PUDP: variants seen among roughly 807,000 people sequenced by gnomAD.
PUDP encodes pseudouridine-5'-phosphatase.
Under a neutral mutation model 9.4 loss-of-function variants are expected in PUDP, and 8 were observed. The observed-to-expected ratio is 0.85, with a 90% CI of 0.50 to 1.53. The LOEUF is 1.53. Ranked by LOEUF, PUDP falls within the 40% of genes most tolerant of loss-of-function variation. The pLI is 0.00. For missense variants in PUDP, 188 were observed against 189.7 expected, an observed-to-expected ratio of 0.99 and a Z score of 0.05; for synonymous variants, 99 against 80.7, an observed-to-expected ratio of 1.23 and a Z score of -1.22.
At chrX:6,713,484 T>C (rs1257895190) in intron 1 of PUDP, among the ~76,000 whole-genome samples, 1 of 112,251 alleles carries the variant, frequency 8.9e-6, no homozygotes, top group East Asian at 2.8e-4. Flanking sequence ...TTGTGTTAGA[T>C]GATTTAGCCC....
chrX:6,740,143 G>A (rs907156442), intron 3 of PUDP, among the ~76,000 whole-genome samples: 1 of 111,786 alleles, frequency 8.9e-6, no homozygotes, highest in Non-Finnish European at 1.9e-5. Context: ...GCAACTTTCC[G>A]TATTGTGGGG....
intron 2 of PUDP, among the ~76,000 whole-genome samples, chrX:7,103,617 G>T (rs762372370): frequency 8.9e-6 from 1 of 111,947 alleles, no homozygotes; most frequent in African/African-American, 3.3e-5. Context: ...AAGCGAAAAG[G>T]GAGCCAGAAT....
At chrX:6,765,512 C>T (rs185913058) in intron 3 of PUDP, among the ~76,000 whole-genome samples, 2 of 112,020 alleles carry the variant, frequency 1.8e-5, no homozygotes, top group East Asian at 5.6e-4. Context: ...ATTTTTCATA[C>T]TATCATGTCG....
rs1207349871 is a variant in PUDP at position 6,975,747 on chromosome X, G to A, written c.*247+1386C>T. Among the ~76,000 whole-genome samples the A allele has an allele frequency of 3.6e-5, 4 of 112,100 alleles. No homozygotes were observed. In the East Asian group the frequency reaches 1.1e-3, roughly 32 times the overall value. ...TTAACAGAGCTTGAGCACTGTGCTG[G>A]GAGATCCACTGTTCTCTTCAGAGCC... On this transcript the variant is annotated intron_variant and NMD_transcript_variant, in intron 3 of 3. Coordinates refer to the PUDP transcript ENST00000655425.
At chrX:7,088,085 T>C (rs1931317001) in intron 2 of PUDP, among the ~76,000 whole-genome samples, 1 of 112,168 alleles carries the variant, frequency 8.9e-6, no homozygotes, top group Non-Finnish European at 1.9e-5. Context: ...TAATTAAGGA[T>C]GGATCAAATA....
intron 3 of PUDP, among the ~76,000 whole-genome samples, chrX:6,909,718 A>G (rs766812801): frequency 8.9e-6 from 1 of 111,960 alleles, no homozygotes; most frequent in East Asian, 2.8e-4. Flanking sequence ...GCCTTTGCAT[A>G]GGAGTCAGCG....
intron 3 of PUDP, among the ~76,000 whole-genome samples, chrX:6,772,277 C>G (rs1925376067): frequency 9.0e-6 from 1 of 110,947 alleles, no homozygotes; most frequent in East Asian, 2.8e-4. Flanking sequence ...TCTTTTTTTT[C>G]CTATATTACA....
Position 7,091,717 on chromosome X carries a change from C to T in PUDP, c.280+13903G>A, listed in dbSNP as rs184118727. The stretch of plus-strand genomic sequence containing the variant: ...CAACTATCTCAAAATACTGACCATC[C>T]TCAGAAAAATATTTGATTTTGTGTC... On this transcript the variant is annotated intron_variant, in intron 2 of 3. Coordinates refer to ENST00000381077, the MANE Select transcript of PUDP (RefSeq NM_012080.5). 9.8e-5 allele frequency among the ~76,000 whole-genome samples: 11 copies of T among 111,689 alleles called. No homozygotes were observed. The East Asian group carries it at 3.1e-3, about 32-fold the overall frequency.
intron 2 of PUDP, among the ~76,000 whole-genome samples, chrX:7,087,139 T>A (rs4830399): frequency 0.25 from 27,408 of 110,846 alleles, 2,645 homozygotes; most frequent in Admixed American, 0.41. Flanking sequence ...AGGACCTTAG[T>A]TGGAAATAGG....
intron 1 of PUDP, among the ~76,000 whole-genome samples, chrX:7,136,102 A>G (rs1423700023): frequency 1.8e-5 from 2 of 111,491 alleles, no homozygotes; most frequent in East Asian, 5.6e-4. Flanking sequence ...TCCCCATGAT[A>G]GTCAACATTT....
intron 3 of PUDP, among the ~76,000 whole-genome samples, chrX:6,781,162 A>C (rs541325008): frequency 1.8e-5 from 2 of 111,800 alleles, no homozygotes; most frequent in Admixed American, 1.9e-4. Flanking sequence ...CACACACAAC[A>C]ACAATAACAA....
In PUDP at chrX:7,015,708, T is replaced by TAGGA. The variant is rs933865305; in HGVS notation, c.205-37369_205-37366dup. On this transcript the variant is annotated intron_variant and NMD_transcript_variant, in intron 1 of 3. Transcript: ENST00000655425. ...TGCCAGTCTCAGCCTCTCAAGTAGGTAGGACTACAGGTGCATGCCAACATA... is the reference window on the plus strand; with the variant it reads ...TGCCAGTCTCAGCCTCTCAAGTAGGTAGGAAGGACTACAGGTGCATGCCAACATA... Among the ~76,000 whole-genome samples the TAGGA allele has an allele frequency of 1.4e-4, 15 of 110,981 alleles. 1 individual carries two copies. Among genetic ancestry groups the TAGGA allele is most frequent in the African/African-American group, 4.9e-4 (15 of 30,442 alleles).
At chrX:6,963,669 G>A (rs919304196) in intron 3 of PUDP, among the ~76,000 whole-genome samples, 1 of 112,006 alleles carries the variant, frequency 8.9e-6, no homozygotes, top group African/African-American at 3.2e-5. Flanking sequence ...GGGTGTGTTT[G>A]TGAAACCTCT....
At chrX:6,948,063 G>T (rs1427486053) in intron 3 of PUDP, among the ~76,000 whole-genome samples, 5 of 111,986 alleles carry the variant, frequency 4.5e-5, no homozygotes, top group Non-Finnish European at 7.5e-5. Flanking sequence ...ATGATTCCCT[G>T]CCCTTCCTGC....
intron 1 of PUDP, among the ~76,000 whole-genome samples, chrX:6,982,055 C>CACACACACAT (rs1929042353): frequency 9.4e-6 from 1 of 106,894 alleles, no homozygotes; most frequent in Non-Finnish European, 1.9e-5. Context: ...CACACACATA[C>CACACACACAT]ACACACGCAC....
chrX:7,127,584 G>A (rs1472459245), intron 1 of PUDP, among the ~76,000 whole-genome samples: 1 of 112,319 alleles, frequency 8.9e-6, no homozygotes, highest in East Asian at 2.8e-4. Flanking sequence ...GGAGGGAACT[G>A]TTTTCCTTAA....
chrX:7,009,855 A>G (rs1373433657), intron 1 of PUDP, among the ~76,000 whole-genome samples: 1 of 111,937 alleles, frequency 8.9e-6, no homozygotes, highest in Non-Finnish European at 1.9e-5. Flanking sequence ...AAAGAAAACT[A>G]TATCTAAATA....
chrX:6,980,159 C>T (rs1207939277), intron 1 of PUDP, among the ~76,000 whole-genome samples: 1 of 98,777 alleles, frequency 1.0e-5, no homozygotes, highest in Non-Finnish European at 2.0e-5. Flanking sequence ...CCCTTCCTCT[C>T]CCCTCCCCTC....
intron 3 of PUDP, among the ~76,000 whole-genome samples, chrX:6,760,794 A>T (rs2122442): frequency 0.19 from 21,049 of 111,308 alleles, 2,122 homozygotes; most frequent in African/African-American, 0.38. Context: ...TTAGCATCAA[A>T]TTAGTAAGCA....
Sources: gnomAD v4.1 joint callset for allele counts (sites outside exome capture counted in the v4.1 genomes callset) on GRCh38, gnomAD v4.1.1 for gene constraint, MANE v1.5 for transcripts, NCBI Gene and HGNC (gene_info 2026-07-23, HGNC 2026-07-21) for gene names.